C13orf42: variants seen among roughly 807,000 people sequenced by gnomAD.
C13orf42 encodes uncharacterized protein C13orf42.
chr13:51,147,220 G>C (rs1250417706), intron 1 of C13orf42, among the ~76,000 whole-genome samples: 3 of 113,606 alleles, frequency 2.6e-5, no homozygotes, highest in Non-Finnish European at 5.6e-5. Flanking sequence ...CCTTGGACTA[G>C]GTGTGGTGGG....
At position 51,144,936 on chromosome 13, in the gene C13orf42, G is replaced by A. The variant is rs138090600; in HGVS notation, n.136+27317C>T. Among the ~76,000 whole-genome samples the A allele has an allele frequency of 3.1e-3, 469 of 152,250 alleles. 3 individuals carry two copies. Among genetic ancestry groups the A allele is most frequent in the African/African-American group, 0.01 (421 of 41,538 alleles). Reference sequence around the variant, plus strand: ...CAAATAATTAGGCCAAGTATAATAAGCAAACCAGTCTTACCATGATTTGTC... The same window carrying A: ...CAAATAATTAGGCCAAGTATAATAAACAAACCAGTCTTACCATGATTTGTC... On this transcript the variant is annotated intron_variant and non_coding_transcript_variant, in intron 1 of 4. Coordinates refer to the C13orf42 transcript ENST00000433280.
intron 1 of C13orf42, among the ~76,000 whole-genome samples, chr13:51,105,864 C>T (rs1261158233): frequency 6.6e-6 from 1 of 152,160 alleles, no homozygotes; most frequent in Non-Finnish European, 1.5e-5. Context: ...TGAGTTTCGA[C>T]ATGATACAGA....
chr13:51,109,558 G>A (rs981317507), intron 1 of C13orf42, among the ~76,000 whole-genome samples: 1 of 151,840 alleles, frequency 6.6e-6, no homozygotes, highest in Non-Finnish European at 1.5e-5. Flanking sequence ...AGACCAGCCT[G>A]AGCAACAAAG....
chr13:51,119,608 T>C (rs1404881855), intron 1 of C13orf42, among the ~76,000 whole-genome samples: 1 of 152,116 alleles, frequency 6.6e-6, no homozygotes, highest in Non-Finnish European at 1.5e-5. Context: ...CCCTACAGCA[T>C]GGATAAGCCT....
intron 1 of C13orf42, among the ~76,000 whole-genome samples, chr13:51,119,645 GAC>G (rs1328049271): frequency 6.6e-6 from 1 of 152,156 alleles, no homozygotes; most frequent in Non-Finnish European, 1.5e-5. Flanking sequence ...CGTGAAATAA[GAC>G]AGACACAAAA....
chr13:51,137,644 C>T, intron 1 of C13orf42, among the ~76,000 whole-genome samples: 1 of 152,202 alleles, frequency 6.6e-6, no homozygotes, highest in East Asian at 1.9e-4. Context: ...CTCTTTCCTC[C>T]CCTTTTTCCT....
intron 1 of C13orf42, among the ~76,000 whole-genome samples, chr13:51,117,395 C>G (rs1953499971): frequency 6.6e-6 from 1 of 152,146 alleles, no homozygotes; most frequent in South Asian, 2.1e-4. Context: ...TATATAATAC[C>G]TTGGAAAGAC....
At chr13:51,141,462 T>C (rs947328992) in intron 1 of C13orf42, among the ~76,000 whole-genome samples, 1 of 152,098 alleles carries the variant, frequency 6.6e-6, no homozygotes, top group Non-Finnish European at 1.5e-5. Flanking sequence ...ACAGAATGTT[T>C]CATTACTAAA....
chr13:51,163,199 C>A (rs1002459184), intron 1 of C13orf42, among the ~76,000 whole-genome samples: 3 of 152,170 alleles, frequency 2.0e-5, no homozygotes, highest in African/African-American at 7.2e-5. Flanking sequence ...CCTGGTCTAA[C>A]CTCAAAGAAC....
chr13:51,083,844 A>T lies in C13orf42; in HGVS notation c.*307T>A, dbSNP rs1953091042. 4.5e-6 allele frequency: 1 copy of T among 223,186 alleles called. No homozygotes were observed. Among genetic ancestry groups the T allele is most frequent in the Admixed American group, 5.8e-5 (1 of 17,184 alleles). 13.8% of individuals were successfully genotyped at this position (223,186 alleles called of 1,614,324 possible). A position where few individuals can be genotyped will look rare whatever the true frequency, so the allele number is the denominator to read the frequency against. On this transcript the variant is annotated 3_prime_UTR_variant, in exon 4 of 4. Coordinates refer to ENST00000563710, the MANE Select transcript of C13orf42 (RefSeq NM_001351589.3). The stretch of plus-strand genomic sequence containing the variant: ...AATGAGGACCAGGCCAGGTGAGGTC[A>T]GGGGAGTGAGCCCAGACACTCCACT...
At chr13:51,097,226 T>G (rs568543124) in intron 1 of C13orf42, among the ~76,000 whole-genome samples, 1 of 152,336 alleles carries the variant, frequency 6.6e-6, no homozygotes, top group African/African-American at 2.4e-5. Context: ...CAATGAAAAG[T>G]CTTGTCATAT....
intron 1 of C13orf42, among the ~76,000 whole-genome samples, chr13:51,130,853 TAAA>T (rs146562175): frequency 1.4e-5 from 2 of 147,934 alleles, no homozygotes; most frequent in Admixed American, 6.7e-5. Context: ...GTGTTTTTGG[TAAA>T]AAAAAAATAT....
At chr13:51,149,312 G>GAAA (rs60935214) in intron 1 of C13orf42, among the ~76,000 whole-genome samples, 19 of 103,080 alleles carry the variant, frequency 1.8e-4, no homozygotes, top group South Asian at 1.2e-3. Context: ...GGCTGAAATT[G>GAAA]AAAAAAAAAA....
At chr13:51,128,451 G>T (rs938908754) in intron 1 of C13orf42, among the ~76,000 whole-genome samples, 5 of 152,164 alleles carry the variant, frequency 3.3e-5, no homozygotes, top group African/African-American at 1.2e-4. Flanking sequence ...GGTAAGTGGG[G>T]TGCATATACC....
At chr13:51,147,750 G>A (rs1464649881) in intron 1 of C13orf42, among the ~76,000 whole-genome samples, 1 of 60,042 alleles carries the variant, frequency 1.7e-5, no homozygotes, top group African/African-American at 7.6e-5. Flanking sequence ...ACGAAGGGGT[G>A]GATTTGGTCC....
At chr13:51,157,703 C>T (rs1953835414) in intron 1 of C13orf42, among the ~76,000 whole-genome samples, 1 of 152,146 alleles carries the variant, frequency 6.6e-6, no homozygotes, top group African/African-American at 2.4e-5. Context: ...CAGGAGCAGA[C>T]CATGCCAGCA....
chr13:51,121,523 C>T (rs1953535314), intron 1 of C13orf42, among the ~76,000 whole-genome samples: 1 of 148,918 alleles, frequency 6.7e-6, no homozygotes, highest in Non-Finnish European at 1.5e-5. Context: ...AGTACTCTAG[C>T]CTGAAAAAAA....
chr13:51,154,133 C>T (rs1953806972), intron 1 of C13orf42, among the ~76,000 whole-genome samples: 1 of 152,110 alleles, frequency 6.6e-6, no homozygotes, highest in South Asian at 2.1e-4. Flanking sequence ...GCATAATGTC[C>T]TTGGGGTTCT....
chr13:51,123,765 AAAACT>A (rs2138016013), intron 1 of C13orf42, among the ~76,000 whole-genome samples: 1 of 152,356 alleles, frequency 6.6e-6, no homozygotes, highest in African/African-American at 2.4e-5. Flanking sequence ...CCACCTTTGC[AAAACT>A]ATAACTGAGA....
Sources: gnomAD v4.1 joint callset for allele counts (sites outside exome capture counted in the v4.1 genomes callset) on GRCh38, gnomAD v4.1.1 for gene constraint, MANE v1.5 for transcripts, NCBI Gene and HGNC (gene_info 2026-07-23, HGNC 2026-07-21) for gene names.